ACKR2: variants seen among roughly 807,000 people sequenced by gnomAD.
ACKR2 encodes C-C chemokine receptor D6.
For synonymous variants in ACKR2, 207 were observed against 192.2 expected, an observed-to-expected ratio of 1.08 and a Z score of -0.64; for missense variants, 457 against 477.3, an observed-to-expected ratio of 0.96 and a Z score of 0.40.
At chr3:42,812,680 C>CTTTTTTTTTTTTTTT (rs71616070) in intron 1 of ACKR2, among the ~76,000 whole-genome samples, 9 of 72,758 alleles carry the variant, frequency 1.2e-4, no homozygotes, top group East Asian at 4.9e-4. Context: ...AATTTTCAGC[C>CTTTTTTTTTTTTTTT]TTTTTTTTTT....
rs761897179 is a variant in ACKR2, at chr3:42,864,613, G to C, written c.111G>C (p.Arg37Ser). 19 of 1,614,182 alleles carry C rather than the reference G, an allele frequency of 1.2e-5. No homozygotes were observed. The South Asian group carries it at 2.0e-4, about 17-fold the overall frequency. ...YLDEVAFMLC[R>S]KDAVVSFGKV... ...ATGAAGTGGCCTTCATGCTCTGCAG[G>C]AAGGATGCAGTGGTGTCCTTTGGCA... The change falls in exon 3 of 3, where the codon AGG becomes AGC. Residue 37 changes from arginine to serine, a missense_variant. Physicochemically the swap from Arg to Ser is moderately radical, Grantham distance 110 (BLOSUM62 -1). Coordinates refer to ENST00000422265, the MANE Select transcript of ACKR2 (RefSeq NM_001296.5).
chr3:42,818,154 A>G (rs924197062), intron 1 of ACKR2, among the ~76,000 whole-genome samples: 1 of 151,640 alleles, frequency 6.6e-6, no homozygotes, highest in Non-Finnish European at 1.5e-5. Flanking sequence ...TATTCCACAG[A>G]CTCCATGTGT....
intron 1 of ACKR2, among the ~76,000 whole-genome samples, chr3:42,810,872 C>G (rs144801931): frequency 1.3e-5 from 2 of 152,116 alleles, no homozygotes; most frequent in Non-Finnish European, 2.9e-5. Context: ...TTCCTCATTC[C>G]TTTTTTGAGA....
At chr3:42,863,739 C>G (rs994049988) in intron 2 of ACKR2, among the ~76,000 whole-genome samples, 3 of 152,170 alleles carry the variant, frequency 2.0e-5, no homozygotes, top group Non-Finnish European at 4.4e-5. Context: ...AGCCATCATT[C>G]TCAGCAAACT....
At chr3:42,860,189 A>AAAAAAAACAAC (rs376833790) in intron 2 of ACKR2, among the ~76,000 whole-genome samples, 1 of 111,520 alleles carries the variant, frequency 9.0e-6, no homozygotes, top group Non-Finnish European at 1.9e-5. Flanking sequence ...AAAAAAAAAA[A>AAAAAAAACAAC]GCAGGGGATG....
In ACKR2 at chr3:42,864,828, A is replaced by C; in HGVS notation, c.326A>C (p.His109Pro). The change falls in exon 3 of 3, where the codon CAT becomes CCT. Residue 109 changes from histidine (H) to proline (P), a missense_variant. Transcript: ENST00000422265. ...LPFWGISVAW[H>P]WVFGSFLCKM... Reference sequence around the variant, plus strand: ...TTCTGGGGCATCTCCGTGGCCTGGCATTGGGTCTTCGGGAGTTTCTTGTGC... The same window carrying C: ...TTCTGGGGCATCTCCGTGGCCTGGCCTTGGGTCTTCGGGAGTTTCTTGTGC... 6.2e-7 allele frequency: 1 copy of C among 1,614,104 alleles called. No homozygotes were observed. Among genetic ancestry groups the C allele is most frequent in the Non-Finnish European group, 8.5e-7 (1 of 1,180,020 alleles).
intron 2 of ACKR2, among the ~76,000 whole-genome samples, chr3:42,820,725 T>TAA (rs34544490): frequency 0.018 from 1,809 of 100,470 alleles, 36 homozygotes; most frequent in African/African-American, 0.061. Context: ...AAAATAACAG[T>TAA]AAAAAAAAAA....
At position 42,860,164 on chromosome 3, in the gene ACKR2, C is replaced by CAAA. The variant is rs565028940; in HGVS notation, c.-37-4279_-37-4277dup. Among the ~76,000 whole-genome samples, 31 of 8,044 alleles carry CAAA rather than the reference C, an allele frequency of 3.9e-3. 7 individuals are homozygous for CAAA. Among genetic ancestry groups the CAAA allele is most frequent in the Non-Finnish European group, 5.9e-3 (22 of 3,758 alleles). 5.3% of individuals were successfully genotyped at this position (8,044 alleles called of 152,430 possible). Reference sequence around the variant, plus strand: ...GAATATTTATCAAGCAAATGGAAAGCAAAAAAAAAAAAAAAAAAAAAAAAA... The same window carrying CAAA: ...GAATATTTATCAAGCAAATGGAAAGCAAAAAAAAAAAAAAAAAAAAAAAAAAAA... On this transcript the variant is annotated intron_variant, in intron 2 of 2. Coordinates refer to ENST00000422265, the MANE Select transcript of ACKR2 (RefSeq NM_001296.5).
chr3:42,850,388 C>G (rs1701141359), intron 2 of ACKR2, among the ~76,000 whole-genome samples: 1 of 152,124 alleles, frequency 6.6e-6, no homozygotes, highest in South Asian at 2.1e-4. Context: ...AACCGAGGCC[C>G]AGAGAGGTGA....
At chr3:42,815,283 C>T (rs1700738097) in intron 1 of ACKR2, among the ~76,000 whole-genome samples, 1 of 152,176 alleles carries the variant, frequency 6.6e-6, no homozygotes, top group African/African-American at 2.4e-5. Flanking sequence ...AGACCATTTT[C>T]CCCTTGGTCT....
Position 42,865,052 on chromosome 3 carries a change from C to T in ACKR2, c.550C>T (p.Gln184Ter), listed in dbSNP as rs1258911137. The change falls in exon 3 of 3, where the codon CAG becomes TAG. Residue 184 changes from glutamine to a stop codon, truncating the protein, a stop_gained. Transcript: ENST00000422265. LOFTEE classifies it low-confidence loss of function (END_TRUNC). Reference protein sequence around the residue: ...AVSIPDMVFVQTHENPKGVWN... With the variant: ...AVSIPDMVFV Reference sequence around the variant, plus strand: ...CTCCATCCCTGATATGGTCTTTGTACAGACACATGAAAATCCCAAGGGTGT... The same window carrying T: ...CTCCATCCCTGATATGGTCTTTGTATAGACACATGAAAATCCCAAGGGTGT... The T allele has an allele frequency of 6.2e-7, 1 of 1,614,136 alleles. No homozygotes were observed. The highest frequency in any genetic ancestry group is 8.5e-7 in the Non-Finnish European group (1 of 1,180,022).
In ACKR2 at chr3:42,847,471, C is replaced by T. The variant is rs182269161; in HGVS notation, c.-37-16995C>T. Among the ~76,000 whole-genome samples the T allele has an allele frequency of 4.5e-4, 68 of 152,274 alleles. 2 individuals carry two copies. Among genetic ancestry groups the T allele is most frequent in the Non-Finnish European group, 9.6e-4 (65 of 68,022 alleles). On this transcript the variant is annotated intron_variant, in intron 2 of 2. Transcript: ENST00000422265. ...TGAGTAAATGTGGGCTCTAACCAGG[C>T]TTCTAAATTGGAGGGCAAGTTTGTA...
chr3:42,816,681 C>A (rs1307180208), intron 1 of ACKR2, among the ~76,000 whole-genome samples: 1 of 151,760 alleles, frequency 6.6e-6, no homozygotes, highest in Non-Finnish European at 1.5e-5. Context: ...CTCAGCCTCC[C>A]GAGTAGCTGG....
At chr3:42,822,333 T>A (rs1700816626) in intron 2 of ACKR2, among the ~76,000 whole-genome samples, 1 of 152,192 alleles carries the variant, frequency 6.6e-6, no homozygotes, top group East Asian at 1.9e-4. Flanking sequence ...CACAAAACAA[T>A]TTTTAAAACC....
At chr3:42,857,414 T>C (rs998502967) in intron 2 of ACKR2, among the ~76,000 whole-genome samples, 8 of 152,296 alleles carry the variant, frequency 5.3e-5, no homozygotes, top group Non-Finnish European at 1.2e-4. Context: ...GGGGAGATGA[T>C]GAACTCAGTT....
chr3:42,813,151 A>G (rs1700713268), intron 1 of ACKR2, among the ~76,000 whole-genome samples: 1 of 152,228 alleles, frequency 6.6e-6, no homozygotes, highest in South Asian at 2.1e-4. Flanking sequence ...CAAAATATGA[A>G]TAACGAAAGC....
At chr3:42,854,959 T>C (rs9872440) in intron 2 of ACKR2, among the ~76,000 whole-genome samples, 59,633 of 150,964 alleles carry the variant, frequency 0.4, 12,393 homozygotes, top group East Asian at 0.69. Flanking sequence ...TGGGTTCAAG[T>C]GATTCTCCTA....
intron 2 of ACKR2, among the ~76,000 whole-genome samples, chr3:42,839,872 T>G (rs1398916006): frequency 6.6e-6 from 1 of 152,126 alleles, no homozygotes; most frequent in East Asian, 1.9e-4. Context: ...ATGTAAAGGC[T>G]TAAAATATAA....
chr3:42,819,530 C>G (rs1210731301), intron 1 of ACKR2, 101 bp from the exon 2 acceptor site: 1 of 151,932 alleles, frequency 6.6e-6, no homozygotes, highest in East Asian at 1.9e-4. Flanking sequence ...TGTTTCCTGG[C>G]ACACGGTATG....
Sources: gnomAD v4.1 joint callset for allele counts (sites outside exome capture counted in the v4.1 genomes callset) on GRCh38, gnomAD v4.1.1 for gene constraint, MANE v1.5 for transcripts, NCBI Gene and HGNC (gene_info 2026-07-23, HGNC 2026-07-21) for gene names.